KCNMA1: variants seen among roughly 807,000 people sequenced by gnomAD.
The protein encoded by KCNMA1 is potassium calcium-activated channel subfamily M alpha 1, also known as Calcium-activated potassium channel subunit alpha-1.
A neutral mutation model predicts 140.0 loss-of-function variants in KCNMA1; 29 were observed. That is an observed-to-expected ratio of 0.21 (90% CI 0.15 to 0.28). The LOEUF is 0.28. Ranked by LOEUF, KCNMA1 falls within the 10% of genes least tolerant of loss-of-function variation. KCNMA1 has a pLI of 1.00. For synonymous variants in KCNMA1, 612 were observed against 611.9 expected (o/e 1.00, Z 0.00); for missense variants, 880 against 1,602.2 (o/e 0.55, Z 7.70).
intron 2 of KCNMA1, among the ~76,000 whole-genome samples, chr10:77,357,764 T>C (rs2093620537): frequency 6.6e-6 from 1 of 152,224 alleles, no homozygotes; most frequent in Non-Finnish European, 1.5e-5. Context: ...AAGATGGCTC[T>C]CAGTTTTCCT....
At chr10:77,627,458 A>C (rs1007569038) in intron 1 of KCNMA1, among the ~76,000 whole-genome samples, 1 of 152,204 alleles carries the variant, frequency 6.6e-6, no homozygotes, top group Non-Finnish European at 1.5e-5. Context: ...AACTTCAAGA[A>C]ACAACCAGAA....
At chr10:77,086,120 A>G (rs1356781601) in intron 11 of KCNMA1, among the ~76,000 whole-genome samples, 2 of 152,212 alleles carry the variant, frequency 1.3e-5, no homozygotes, top group Non-Finnish European at 2.9e-5. Flanking sequence ...AGCTATATTG[A>G]GTCCAACTTA....
chr10:76,916,033 C>G (rs1163719984), intron 23 of KCNMA1, among the ~76,000 whole-genome samples: 1 of 151,542 alleles, frequency 6.6e-6, no homozygotes, highest in Admixed American at 6.5e-5. Context: ...CACACACACA[C>G]ACACACACAC....
intron 1 of KCNMA1, among the ~76,000 whole-genome samples, chr10:77,628,257 A>C (rs113708601): frequency 4.2e-4 from 64 of 152,346 alleles, no homozygotes; most frequent in South Asian, 8.3e-4. Context: ...TGACCCTGGA[A>C]AGAATATTAC....
chr10:76,872,822 T>C (rs2031619605), downstream of KCNMA1: 1 of 152,220 alleles, frequency 6.6e-6, no homozygotes, highest in South Asian at 2.1e-4. Context: ...AAAGAACTAC[T>C]CTTTGTACCA....
intron 16 of KCNMA1, chr10:77,025,566 G>T: frequency 1.1e-6 from 1 of 885,660 alleles, no homozygotes; most frequent in Non-Finnish European, 1.8e-6. Flanking sequence ...CTTGAAGGAT[G>T]CATGTGAAAA....
At chr10:77,138,492 A>T (rs1475555555) in intron 5 of KCNMA1, among the ~76,000 whole-genome samples, 1 of 152,194 alleles carries the variant, frequency 6.6e-6, no homozygotes, top group East Asian at 1.9e-4. Flanking sequence ...ACCATGGTTC[A>T]CACTGCTGTT....
intron 1 of KCNMA1, among the ~76,000 whole-genome samples, chr10:77,601,411 T>C (rs2082595476): frequency 6.6e-6 from 1 of 152,218 alleles, no homozygotes; most frequent in African/African-American, 2.4e-5. Flanking sequence ...TAATGTGTGA[T>C]GTCCACTCTC....
chr10:77,134,461 T>A (rs998941429), intron 5 of KCNMA1, among the ~76,000 whole-genome samples: 2 of 152,084 alleles, frequency 1.3e-5, no homozygotes, highest in Admixed American at 6.5e-5. Context: ...AACTATTTTA[T>A]CTTAACTTGG....
chr10:76,928,289 G>GCGCA lies in KCNMA1; in HGVS notation c.2903-13241_2903-13240insTGCG, dbSNP rs1478548715. ...CACACACACACACGAACACGCGCGC[G>GCGCA]CACACACACACACACACACACGCAC... On this transcript the variant is annotated intron_variant, in intron 23 of 27. Transcript: ENST00000286628. Among the ~76,000 whole-genome samples, 315 of 73,376 alleles carry GCGCA rather than the reference G, an allele frequency of 4.3e-3. 1 individual carries two copies. The highest frequency in any genetic ancestry group is 0.011 in the African/African-American group (291 of 26,772). 48.1% of individuals were successfully genotyped at this position (73,376 alleles called of 152,430 possible).
At chr10:77,636,799 C>T in intron 1 of KCNMA1, 1 of 1,451,174 alleles carries the variant, frequency 6.9e-7, no homozygotes, top group South Asian at 1.4e-5. Context: ...ACGAACTCAT[C>T]TCCCCAACAG....
At chr10:76,887,717 C>T in intron 27 of KCNMA1, 2 of 609,040 alleles carry the variant, frequency 3.3e-6, no homozygotes, top group Non-Finnish European at 2.9e-6. Flanking sequence ...AGGAGGCCAG[C>T]CAGGAGCCCA....
At chr10:77,342,131 G>A (rs1332653079) in intron 2 of KCNMA1, among the ~76,000 whole-genome samples, 1 of 152,172 alleles carries the variant, frequency 6.6e-6, no homozygotes, top group Non-Finnish European at 1.5e-5. Context: ...TTTTACAAAT[G>A]TCATGGCACA....
At chr10:77,505,917 G>C in intron 1 of KCNMA1, among the ~76,000 whole-genome samples, 1 of 152,198 alleles carries the variant, frequency 6.6e-6, no homozygotes, top group African/African-American at 2.4e-5. Context: ...GTCCAAGCAA[G>C]CAGCAATGGA....
chr10:77,263,545 T>C (rs923077836), intron 2 of KCNMA1, among the ~76,000 whole-genome samples: 7 of 152,116 alleles, frequency 4.6e-5, no homozygotes, highest in African/African-American at 1.7e-4. Context: ...TAATGGAACA[T>C]TGAAAGCACC....
At chr10:77,493,851 T>C (rs573596751) in intron 1 of KCNMA1, 2 of 149,976 alleles carry the variant, frequency 1.3e-5, no homozygotes, top group African/African-American at 4.8e-5. Flanking sequence ...TCCAAAGCAC[T>C]GGAAGACTTC....
intron 3 of KCNMA1, among the ~76,000 whole-genome samples, chr10:77,248,810 T>C (rs898839407): frequency 2.0e-5 from 3 of 152,078 alleles, no homozygotes; most frequent in African/African-American, 4.8e-5. Flanking sequence ...ACCATAGAGA[T>C]GGCTTTAGAG....
At chr10:77,506,856 T>A (rs1361031644) in intron 1 of KCNMA1, among the ~76,000 whole-genome samples, 4 of 150,630 alleles carry the variant, frequency 2.7e-5, no homozygotes, top group African/African-American at 9.8e-5. Context: ...TGTGTGTGTG[T>A]GTGTGTGTGT....
At chr10:77,636,545 C>G (rs2154571943) in intron 1 of KCNMA1, 1 of 1,536,178 alleles carries the variant, frequency 6.5e-7, no homozygotes, top group East Asian at 2.4e-5. Flanking sequence ...GGCCGAAGAA[C>G]TTGGGGTATG....
Sources: allele counts gnomAD v4.1 joint callset (sites outside exome capture counted in the v4.1 genomes callset), GRCh38; gene constraint gnomAD v4.1.1; transcripts MANE v1.5; gene names NCBI Gene and HGNC (gene_info 2026-07-23, HGNC 2026-07-21).